The following PRIM2 variants were observed in gnomAD, a reference collection of about 807,000 sequenced individuals.
PRIM2 encodes DNA primase subunit 2.
PRIM2 carries 39 observed loss-of-function variants against 67.3 expected under a neutral mutation model. The observed-to-expected ratio is 0.58, with a 90% CI of 0.45 to 0.76. PRIM2 has a LOEUF of 0.76. Ranked by LOEUF, PRIM2 falls within the 30% of genes least tolerant of loss-of-function variation. PRIM2 has a pLI of 0.00. For synonymous variants in PRIM2, 143 were observed against 198.7 expected (o/e 0.72, Z 2.36); for missense variants, 398 against 598.7 (o/e 0.66, Z 3.50).
chr6:57,520,993 T>C (rs1224008371), intron 8 of PRIM2, among the ~76,000 whole-genome samples: 1 of 152,236 alleles, frequency 6.6e-6, no homozygotes, highest in Non-Finnish European at 1.5e-5. Context: ...TGTTGTCTGA[T>C]GGTAGTTTTC....
At chr6:57,642,435 CTTTTTTTTTT>C (rs1156576933) in intron 13 of PRIM2, among the ~76,000 whole-genome samples, 6 of 83,184 alleles carry the variant, frequency 7.2e-5, no homozygotes, top group East Asian at 4.0e-4. Context: ...AATATTATAT[CTTTTTTTTTT>C]TTTTTTTTTT....
chr6:57,381,783 T>C (rs62415468), intron 6 of PRIM2, among the ~76,000 whole-genome samples: 2 of 152,216 alleles, frequency 1.3e-5, no homozygotes, highest in African/African-American at 4.8e-5. Context: ...GGAATAAAAG[T>C]AAGCATTCCA....
intron 7 of PRIM2, among the ~76,000 whole-genome samples, chr6:57,455,907 T>G (rs1772757435): frequency 6.6e-6 from 1 of 152,212 alleles, no homozygotes; most frequent in Admixed American, 6.5e-5. Context: ...TTTGGCATGT[T>G]TTTGCAGTGC....
chr6:57,626,102 C>A, intron 12 of PRIM2, among the ~76,000 whole-genome samples: 1 of 152,354 alleles, frequency 6.6e-6, no homozygotes, highest in Middle Eastern at 3.4e-3. Flanking sequence ...AGATTAGCCA[C>A]ATATCTAATT....
intron 10 of PRIM2, among the ~76,000 whole-genome samples, chr6:57,558,222 C>T (rs1394589924): frequency 6.6e-6 from 1 of 152,110 alleles, no homozygotes; most frequent in Non-Finnish European, 1.5e-5. Flanking sequence ...AGCACAGTGT[C>T]TGATACATAG....
chr6:57,462,346 TGA>T (rs1323094215), intron 7 of PRIM2, among the ~76,000 whole-genome samples: 1,948 of 152,370 alleles, frequency 0.013, 41 homozygotes, highest in African/African-American at 0.043. Context: ...TTTATGCATT[TGA>T]ATATGGTTTT....
chr6:57,358,772 T>A (rs1178441334), intron 5 of PRIM2, among the ~76,000 whole-genome samples: 1 of 152,118 alleles, frequency 6.6e-6, no homozygotes, highest in Non-Finnish European at 1.5e-5. Flanking sequence ...AATAAAGATA[T>A]TTAGGAGGGA....
intron 7 of PRIM2, among the ~76,000 whole-genome samples, chr6:57,453,051 C>T (rs1402328355): frequency 1.3e-5 from 2 of 152,080 alleles, no homozygotes; most frequent in African/African-American, 4.8e-5. Context: ...GAATCCTTTC[C>T]CCATTTCTTG....
At chr6:57,536,813 AT>A (rs2127469813) in intron 9 of PRIM2, among the ~76,000 whole-genome samples, 1 of 152,332 alleles carries the variant, frequency 6.6e-6, no homozygotes, top group South Asian at 2.1e-4. Context: ...GTTGCCAAAG[AT>A]TAGGGAGCTG....
the PRIM2 span, among the ~76,000 whole-genome samples, chr6:57,295,953 T>G: frequency 6.6e-6 from 1 of 152,196 alleles, no homozygotes; most frequent in Non-Finnish European, 1.5e-5. Flanking sequence ...TTTTTGTGAC[T>G]TTTATAACCA....
intron 10 of PRIM2, among the ~76,000 whole-genome samples, chr6:57,571,810 C>T (rs1775868096): frequency 6.6e-6 from 1 of 152,176 alleles, no homozygotes; most frequent in African/African-American, 2.4e-5. Flanking sequence ...GGTTCATAGC[C>T]TCCAAAGACC....
At chr6:57,610,495 TAACC>T (rs1776648407) in intron 12 of PRIM2, among the ~76,000 whole-genome samples, 1 of 152,146 alleles carries the variant, frequency 6.6e-6, no homozygotes, top group South Asian at 2.1e-4. Flanking sequence ...CCTTTTTAAT[TAACC>T]TTAATATGTT....
At chr6:57,571,817 G>T (rs1775868210) in intron 10 of PRIM2, among the ~76,000 whole-genome samples, 1 of 152,164 alleles carries the variant, frequency 6.6e-6, no homozygotes, top group Non-Finnish European at 1.5e-5. Context: ...AGCCTCCAAA[G>T]ACCTAAATTC....
At chr6:57,473,847 A>G (rs1488163609) in intron 7 of PRIM2, among the ~76,000 whole-genome samples, 1 of 152,080 alleles carries the variant, frequency 6.6e-6, no homozygotes, top group Admixed American at 6.6e-5. Flanking sequence ...GCTAAACTTG[A>G]ATAACTTTGC....
chr6:57,311,131 G>A (rs1275041193), upstream of PRIM2, among the ~76,000 whole-genome samples: 3 of 147,282 alleles, frequency 2.0e-5, no homozygotes, highest in African/African-American at 5.0e-5. Flanking sequence ...CCTCCCAGAC[G>A]GGGCGGCCGT....
intron 5 of PRIM2, among the ~76,000 whole-genome samples, chr6:57,379,119 T>C (rs1157464358): frequency 4.2e-5 from 5 of 119,112 alleles, no homozygotes; most frequent in African/African-American, 1.6e-4. Context: ...TCTTTTTAAC[T>C]TTTACCATTT....
At chr6:57,627,279 C>CAAAAAAAAAAAAAA (rs1158722297) in intron 12 of PRIM2, among the ~76,000 whole-genome samples, 9 of 24,536 alleles carry the variant, frequency 3.7e-4, no homozygotes, top group East Asian at 3.4e-3. Flanking sequence ...GACTCTGTCT[C>CAAAAAAAAAAAAAA]AAAAAAAAAA....
chr6:57,621,672 G>A lies in PRIM2; in HGVS notation c.1231-10461G>A, dbSNP rs1776857648. ...ATGTGCCCATTAACTTACAATTACT[G>A]TTTTATGCATCTGTCTTTTAAATCA... On this transcript the variant is annotated intron_variant, in intron 12 of 13. Transcript: ENST00000615550. 3.9e-5 allele frequency among the ~76,000 whole-genome samples: 6 copies of A among 151,942 alleles called. No homozygotes were observed. The South Asian group carries it at 1.0e-3, about 26-fold the overall frequency.
intron 7 of PRIM2, among the ~76,000 whole-genome samples, chr6:57,387,703 G>A (rs1770198067): frequency 6.6e-6 from 1 of 151,834 alleles, no homozygotes; most frequent in Non-Finnish European, 1.5e-5. Flanking sequence ...AAGAATGAGG[G>A]AAAGATAGAT....
Sources: allele counts gnomAD v4.1 joint callset (sites outside exome capture counted in the v4.1 genomes callset), GRCh38; gene constraint gnomAD v4.1.1; transcripts MANE v1.5; gene names NCBI Gene and HGNC (gene_info 2026-07-23, HGNC 2026-07-21).